Variants in SEMA3D observed in about 807,000 individuals in gnomAD.
SEMA3D encodes semaphorin 3D, also known as semaphorin-3D.
In SEMA3D, 84 loss-of-function variants were observed where a neutral mutation model predicts 100.1. That is an observed-to-expected ratio of 0.84 (90% confidence interval 0.70 to 1.01). SEMA3D has a LOEUF of 1.01. Among genes scored for constraint, SEMA3D ranks in the 50% least tolerant of loss-of-function variants. The pLI, the probability that SEMA3D is intolerant of heterozygous loss-of-function variation, is 0.00. For missense variants in SEMA3D, 875 were observed against 934.1 expected, an observed-to-expected ratio of 0.94 and a Z score of 0.82; for synonymous variants, 312 against 320.7, an observed-to-expected ratio of 0.97 and a Z score of 0.29.
intron 3 of SEMA3D, among the ~76,000 whole-genome samples, chr7:85,100,020 C>T (rs1329847249): frequency 6.6e-6 from 1 of 151,716 alleles, no homozygotes; most frequent in Admixed American, 6.6e-5. Context: ...TAGATTGATG[C>T]CTGTGTTTGG....
At chr7:85,037,587 A>G (rs1412467142) in intron 11 of SEMA3D, among the ~76,000 whole-genome samples, 1 of 152,138 alleles carries the variant, frequency 6.6e-6, no homozygotes, top group East Asian at 1.9e-4. Context: ...GCTAAATGAT[A>G]TATTTATATG....
At chr7:85,054,153 A>G (rs1011527687) in intron 9 of SEMA3D, among the ~76,000 whole-genome samples, 6 of 152,202 alleles carry the variant, frequency 3.9e-5, no homozygotes, top group Middle Eastern at 3.4e-3. Context: ...GTAAGACATT[A>G]CTTTGTTACA....
At chr7:85,024,766 G>A (rs1020312381) in intron 12 of SEMA3D, among the ~76,000 whole-genome samples, 2 of 151,920 alleles carry the variant, frequency 1.3e-5, no homozygotes, top group Non-Finnish European at 2.9e-5. Flanking sequence ...AAATGATTTG[G>A]TAGAGTTACT....
chr7:85,097,147 C>T (rs977910763), intron 4 of SEMA3D, among the ~76,000 whole-genome samples: 1 of 151,734 alleles, frequency 6.6e-6, no homozygotes, highest in Non-Finnish European at 1.5e-5. Context: ...AGTGTGGCAC[C>T]CTTTCCTCCG....
chr7:85,107,549 C>G (rs1366618656), intron 3 of SEMA3D, among the ~76,000 whole-genome samples: 1 of 151,986 alleles, frequency 6.6e-6, no homozygotes, highest in African/African-American at 2.4e-5. Flanking sequence ...ACCCACAACC[C>G]CATCATCTCT....
At chr7:85,241,429 C>T in the SEMA3D span, among the ~76,000 whole-genome samples, 4 of 135,024 alleles carry the variant, frequency 3.0e-5, no homozygotes, top group South Asian at 4.8e-4. Context: ...AACCCAAATG[C>T]CCATCAATCA....
At chr7:85,164,152 A>G (rs2116525594) in intron 1 of SEMA3D, among the ~76,000 whole-genome samples, 1 of 152,226 alleles carries the variant, frequency 6.6e-6, no homozygotes, top group African/African-American at 2.4e-5. Flanking sequence ...CATGGATTTG[A>G]ATAAAGGTCT....
intron 1 of SEMA3D, among the ~76,000 whole-genome samples, chr7:85,186,348 A>C (rs1791549410): frequency 6.6e-6 from 1 of 152,108 alleles, no homozygotes; most frequent in African/African-American, 2.4e-5. Flanking sequence ...GAGAGAGCAA[A>C]GTTCCTGGAC....
At chr7:85,078,470 G>A (rs1787952583) in intron 5 of SEMA3D, among the ~76,000 whole-genome samples, 1 of 152,172 alleles carries the variant, frequency 6.6e-6, no homozygotes, top group Non-Finnish European at 1.5e-5. Context: ...CTGACAAACA[G>A]AGCCCAGGCT....
chr7:85,056,508 TTA>T (rs1485978771), intron 8 of SEMA3D, among the ~76,000 whole-genome samples: 33 of 151,724 alleles, frequency 2.2e-4, no homozygotes, highest in African/African-American at 7.5e-4. Flanking sequence ...TCAAGTGGAT[TTA>T]TATGTGTATA....
chr7:85,215,687 C>T, the SEMA3D span, among the ~76,000 whole-genome samples: 2 of 152,024 alleles, frequency 1.3e-5, no homozygotes, highest in Non-Finnish European at 2.9e-5. Flanking sequence ...ATTAAATATA[C>T]ATTTATTAAT....
chr7:85,225,050 TTATATATATATATA>T, the SEMA3D span, among the ~76,000 whole-genome samples: 622 of 77,184 alleles, frequency 8.1e-3, 7 homozygotes, highest in East Asian at 0.025. Flanking sequence ...TGATTTTCTT[TTATATATATATATA>T]TATATATATA....
chr7:85,159,299 T>C (rs1173811411), intron 1 of SEMA3D, among the ~76,000 whole-genome samples: 1 of 152,152 alleles, frequency 6.6e-6, no homozygotes, highest in East Asian at 1.9e-4. Flanking sequence ...GAATCTGGAT[T>C]AATCATGAAA....
intron 12 of SEMA3D, among the ~76,000 whole-genome samples, chr7:85,023,773 C>A (rs1365176657): frequency 1.3e-5 from 2 of 151,718 alleles, no homozygotes; most frequent in Non-Finnish European, 2.9e-5. Flanking sequence ...ACTTTGACCC[C>A]AAATTTTATA....
chr7:85,211,451 T>C, the SEMA3D span, among the ~76,000 whole-genome samples: 6 of 152,064 alleles, frequency 3.9e-5, no homozygotes, highest in African/African-American at 1.4e-4. Context: ...ATACTTGAAT[T>C]ATGAACATAA....
the SEMA3D span, among the ~76,000 whole-genome samples, chr7:85,202,112 G>T: frequency 2.7e-5 from 4 of 150,888 alleles, no homozygotes; most frequent in African/African-American, 9.7e-5. Flanking sequence ...CATTGTGCAG[G>T]TTAGTTACAT....
intron 12 of SEMA3D, among the ~76,000 whole-genome samples, chr7:85,034,328 C>T (rs576336299): frequency 5.9e-5 from 9 of 151,968 alleles, no homozygotes; most frequent in East Asian, 1.9e-4. Flanking sequence ...TGACCTAGGC[C>T]GGGCATGGTG....
At chr7:85,123,357 TA>T (rs995905719) in intron 2 of SEMA3D, among the ~76,000 whole-genome samples, 3 of 152,140 alleles carry the variant, frequency 2.0e-5, no homozygotes, top group African/African-American at 7.2e-5. Context: ...TTGATCATAA[TA>T]AAAAAAGCAT....
chr7:85,224,667 T>C, the SEMA3D span, among the ~76,000 whole-genome samples: 1 of 152,114 alleles, frequency 6.6e-6, no homozygotes, highest in African/African-American at 2.4e-5. Context: ...TTGTTTTGAG[T>C]TATTTAAGTG....
Sources: gnomAD v4.1 joint callset for allele counts (sites outside exome capture counted in the v4.1 genomes callset) on GRCh38, gnomAD v4.1.1 for gene constraint, MANE v1.5 for transcripts, NCBI Gene and HGNC (gene_info 2026-07-23, HGNC 2026-07-21) for gene names.